The following CREB5 variants were observed in gnomAD, a reference collection of about 807,000 sequenced individuals.
CREB5 encodes cAMP responsive element binding protein 5.
CREB5 carries 19 observed loss-of-function variants against 57.1 expected under a neutral mutation model. That is an observed-to-expected ratio of 0.33 (90% confidence interval 0.23 to 0.49). CREB5 has a LOEUF of 0.49. Among genes scored for constraint, CREB5 ranks in the 20% least tolerant of loss-of-function variants. The probability of loss-of-function intolerance (pLI) is 0.99; values close to 1 mark genes in which losing one functional copy is unlikely to be tolerated. For synonymous variants in CREB5, 238 were observed against 238.3 expected (o/e 1.00, Z 0.01); for missense variants, 579 against 671.6 (o/e 0.86, Z 1.52).
At chr7:28,598,868 G>A (rs1436418411) in intron 5 of CREB5, among the ~76,000 whole-genome samples, 2 of 152,242 alleles carry the variant, frequency 1.3e-5, no homozygotes, top group East Asian at 1.9e-4. Context: ...GTGCTGTGGT[G>A]TATTTTAAAA....
rs549014636 is a variant in CREB5, at chr7:28,728,795, TG to T, written c.702+4464del. ...AAGGAACAAACCCTAGCAATGCTGA[TG>T]AAGGTGGGGTGAAGTGGGATAAATC... On this transcript the variant is annotated intron_variant, in intron 7 of 10. Coordinates refer to ENST00000357727, the MANE Select transcript of CREB5 (RefSeq NM_182898.4). Among the ~76,000 whole-genome samples the T allele has an allele frequency of 1.2e-4, 18 of 152,300 alleles. No homozygotes were observed. In the South Asian group the frequency reaches 2.3e-3, roughly 19 times the overall value.
At chr7:28,721,442 C>G (rs889418480) in intron 6 of CREB5, among the ~76,000 whole-genome samples, 1 of 152,156 alleles carries the variant, frequency 6.6e-6, no homozygotes, top group African/African-American at 2.4e-5. Context: ...TATCGTGTCA[C>G]CAGTTCCTGT....
chr7:28,698,824 T>G (rs1801702953), intron 5 of CREB5, among the ~76,000 whole-genome samples: 1 of 152,216 alleles, frequency 6.6e-6, no homozygotes, highest in Non-Finnish European at 1.5e-5. Flanking sequence ...ACCTCAGAAT[T>G]CTTCCTGGCA....
intron 7 of CREB5, among the ~76,000 whole-genome samples, chr7:28,726,475 C>T (rs1382924237): frequency 6.6e-6 from 1 of 152,052 alleles, no homozygotes; most frequent in Non-Finnish European, 1.5e-5. Flanking sequence ...TATTTTCTAG[C>T]AGCTTTGGGC....
chr7:28,685,499 C>T (rs1800832241), intron 5 of CREB5, among the ~76,000 whole-genome samples: 1 of 152,048 alleles, frequency 6.6e-6, no homozygotes, highest in Non-Finnish European at 1.5e-5. Context: ...AAAAAAGGGC[C>T]CTGGGCGATG....
intron 1 of CREB5, among the ~76,000 whole-genome samples, chr7:28,441,910 C>G (rs1014385608): frequency 6.6e-6 from 1 of 152,110 alleles, no homozygotes; most frequent in East Asian, 1.9e-4. Context: ...ATCAGGGTAA[C>G]TTGATCACCA....
At chr7:28,724,168 A>G (rs1803200535) in intron 6 of CREB5, 54 bp from the exon 7 acceptor site, 2 of 1,477,232 alleles carry the variant, frequency 1.4e-6, no homozygotes, top group Non-Finnish European at 1.9e-6. Flanking sequence ...AGCTTTGTCT[A>G]ATGACCTAGA....
At chr7:28,580,932 G>T (rs1422805132) in intron 5 of CREB5, among the ~76,000 whole-genome samples, 1 of 152,170 alleles carries the variant, frequency 6.6e-6, no homozygotes, top group Non-Finnish European at 1.5e-5. Flanking sequence ...CAGCATGAAT[G>T]AGTGCTGGTA....
upstream of CREB5, among the ~76,000 whole-genome samples, chr7:28,411,675 GT>G (rs1787811726): frequency 6.6e-6 from 1 of 152,154 alleles, no homozygotes; most frequent in Non-Finnish European, 1.5e-5. Context: ...TTTGGAGTTG[GT>G]GAAAACTAAA....
chr7:28,530,130 G>A (rs1793657425), intron 4 of CREB5, among the ~76,000 whole-genome samples: 1 of 152,256 alleles, frequency 6.6e-6, no homozygotes. Context: ...GGAAGGAGCA[G>A]TGGTGAATAG....
intron 7 of CREB5, among the ~76,000 whole-genome samples, chr7:28,790,444 G>GAGAA (rs1183663514): frequency 3.2e-4 from 22 of 68,986 alleles, no homozygotes; most frequent in Non-Finnish European, 6.4e-4. Context: ...GAGAGAGAGA[G>GAGAA]AGAGAGAGAG....
At chr7:28,426,309 C>T (rs967028951) in intron 1 of CREB5, among the ~76,000 whole-genome samples, 4 of 152,166 alleles carry the variant, frequency 2.6e-5, no homozygotes, top group Non-Finnish European at 5.9e-5. Context: ...TGGGTTTGGT[C>T]CCAGTTTTGT....
intron 4 of CREB5, among the ~76,000 whole-genome samples, chr7:28,559,015 G>C (rs567661145): frequency 1.3e-5 from 2 of 152,086 alleles, no homozygotes; most frequent in Non-Finnish European, 2.9e-5. Flanking sequence ...CGCCCCTTTC[G>C]TGATTTTAAA....
At chr7:28,355,740 C>G (rs753492368) in intron 1 of CREB5, among the ~76,000 whole-genome samples, 1 of 152,168 alleles carries the variant, frequency 6.6e-6, no homozygotes, top group Non-Finnish European at 1.5e-5. Flanking sequence ...TAATCCGAAT[C>G]GACTACCTGC....
chr7:28,661,715 T>TCATTCTGA (rs1206126057), intron 5 of CREB5, among the ~76,000 whole-genome samples: 1 of 152,220 alleles, frequency 6.6e-6, no homozygotes, highest in Non-Finnish European at 1.5e-5. Context: ...TTTTTCAGGT[T>TCATTCTGA]CATTCTGACT....
chr7:28,771,752 T>G (rs1375228613), intron 7 of CREB5, among the ~76,000 whole-genome samples: 2 of 146,794 alleles, frequency 1.4e-5, no homozygotes, highest in Non-Finnish European at 3.0e-5. Flanking sequence ...CAGCTGCCAA[T>G]TTGCTGTGCC....
chr7:28,642,971 CACACACACACACACAT>C (rs1562544649), intron 5 of CREB5, among the ~76,000 whole-genome samples: 194 of 81,320 alleles, frequency 2.4e-3, no homozygotes, highest in Non-Finnish European at 3.9e-3. Flanking sequence ...CACACACACA[CACACACACACACACAT>C]ACACACACAC....
chr7:28,346,575 A>T (rs1786062346), intron 1 of CREB5, among the ~76,000 whole-genome samples: 1 of 152,240 alleles, frequency 6.6e-6, no homozygotes, highest in Non-Finnish European at 1.5e-5. Context: ...AGCCAACTCC[A>T]TGGGGAAACT....
chr7:28,490,927 A>G (rs1439419055), intron 2 of CREB5, among the ~76,000 whole-genome samples: 1 of 152,242 alleles, frequency 6.6e-6, no homozygotes, highest in East Asian at 1.9e-4. Context: ...GGGTAGAAAG[A>G]AATGAATGCC....
Sources: allele counts gnomAD v4.1 joint callset (sites outside exome capture counted in the v4.1 genomes callset), GRCh38; gene constraint gnomAD v4.1.1; transcripts MANE v1.5; gene names NCBI Gene and HGNC (gene_info 2026-07-23, HGNC 2026-07-21).